Variants in SPRY3 observed in about 807,000 individuals in gnomAD.
SPRY3 encodes protein sprouty homolog 3.
SPRY3 carries 15 observed loss-of-function variants against 20.2 expected under a neutral mutation model. That is an observed-to-expected ratio of 0.74 (90% CI 0.50 to 1.14). The LOEUF is 1.14. Among genes scored for constraint, SPRY3 ranks in the 50% most tolerant of loss-of-function variants. The pLI is 0.00. For missense variants in SPRY3, 364 were observed against 363.9 expected, an observed-to-expected ratio of 1.00 and a Z score of 0.00; for synonymous variants, 143 against 136.5, an observed-to-expected ratio of 1.05 and a Z score of -0.33.
intron 3 of SPRY3, among the ~76,000 whole-genome samples, chrX:155,773,515 G>A (rs899341228): frequency 6.6e-6 from 1 of 151,828 alleles, no homozygotes; most frequent in African/African-American, 2.4e-5. Context: ...GTGAAACTAG[G>A]CATTTGATGG....
At chrX:155,755,842 G>A (rs1038744752) in intron 2 of SPRY3, among the ~76,000 whole-genome samples, 26 of 152,002 alleles carry the variant, frequency 1.7e-4, no homozygotes, top group African/African-American at 6.0e-4. Context: ...GAGGGAGACA[G>A]TGAAAGACTC....
At chrX:155,684,245 G>A (rs1569562608) in intron 2 of SPRY3, among the ~76,000 whole-genome samples, 1 of 111,040 alleles carries the variant, frequency 9.0e-6, no homozygotes, top group Non-Finnish European at 1.9e-5. Context: ...TATTGGAGAT[G>A]TTGAAAATAC....
intron 2 of SPRY3, among the ~76,000 whole-genome samples, chrX:155,748,326 ATATGGGGAAAAG>A (rs1352649182): frequency 6.6e-6 from 1 of 151,910 alleles, no homozygotes; most frequent in Non-Finnish European, 1.5e-5. Flanking sequence ...AATCATATGA[ATATGGGGAAAAG>A]TATGTTTGCC....
chrX:155,774,013 A>C, exon 4 of SPRY3: 1 of 1,613,854 alleles, frequency 6.2e-7, no homozygotes. Context: ...TATTGTGCAA[A>C]CCCACAAGTC....
chrX:155,665,655 A>G (rs1603127282), intron 2 of SPRY3, among the ~76,000 whole-genome samples: 1 of 111,716 alleles, frequency 9.0e-6, no homozygotes, highest in African/African-American at 3.2e-5. Context: ...GCATGAAATC[A>G]ATCAAATACA....
intron 1 of SPRY3, among the ~76,000 whole-genome samples, chrX:155,625,923 A>G (rs1425304387): frequency 1.2e-5 from 1 of 82,465 alleles, no homozygotes; most frequent in African/African-American, 3.9e-5. Flanking sequence ...GTATTTCATT[A>G]TATGGATAAA....
intron 2 of SPRY3, among the ~76,000 whole-genome samples, chrX:155,720,799 G>A (rs766155319): frequency 6.6e-6 from 1 of 152,232 alleles, no homozygotes; most frequent in Admixed American, 6.5e-5. Flanking sequence ...TATCTGGAAA[G>A]CCTTCCCAAA....
rs908524991 is a variant in SPRY3 at position 155,763,767 on chromosome X, CCTAT to C, written c.-281-4191_-281-4188del. The stretch of plus-strand genomic sequence containing the variant: ...ATCTCAATTCCTCTTTGAATCCTTA[CCTAT>C]CTAATTTATTTCAACATTTGTAACT... On this transcript the variant is annotated intron_variant, in intron 2 of 3. Coordinates refer to ENST00000675360, the Ensembl canonical transcript of SPRY3. Among the ~76,000 whole-genome samples, 294 of 152,234 alleles carry C rather than the reference CCTAT, an allele frequency of 1.9e-3. 2 individuals carry two copies. The highest frequency in any genetic ancestry group is 2.9e-3 in the Non-Finnish European group (194 of 68,002).
intron 1 of SPRY3, among the ~76,000 whole-genome samples, chrX:155,637,039 T>TG (rs1269744590): frequency 3.0e-5 from 1 of 33,882 alleles, no homozygotes; most frequent in African/African-American, 1.3e-4. Flanking sequence ...TGTTGTGGGG[T>TG]GGGGGGAGGG....
intron 3 of SPRY3, among the ~76,000 whole-genome samples, chrX:155,768,463 AC>A (rs2091360123): frequency 6.6e-6 from 1 of 151,978 alleles, no homozygotes; most frequent in South Asian, 2.1e-4. Flanking sequence ...ACCCCTCAAA[AC>A]GCAGCCTAAC....
At chrX:155,773,342 G>A (rs989362888) in intron 3 of SPRY3, among the ~76,000 whole-genome samples, 2 of 94,818 alleles carry the variant, frequency 2.1e-5, no homozygotes, top group Admixed American at 1.0e-4. Context: ...ATATATATAT[G>A]AGCAACTTCT....
At chrX:155,711,020 T>C (rs2124542025) in intron 2 of SPRY3, among the ~76,000 whole-genome samples, 1 of 151,980 alleles carries the variant, frequency 6.6e-6, no homozygotes, top group East Asian at 1.9e-4. Context: ...TCCCACTTGG[T>C]CATGATAAAT....
chrX:155,775,023 G>T, exon 4 of SPRY3: 1 of 507,638 alleles, frequency 2.0e-6, no homozygotes, highest in Non-Finnish European at 3.6e-6. Flanking sequence ...TTTGAACACT[G>T]AGGACTGACA....
intron 2 of SPRY3, among the ~76,000 whole-genome samples, chrX:155,716,307 T>C (rs1311245462): frequency 6.6e-6 from 1 of 152,210 alleles, no homozygotes; most frequent in Non-Finnish European, 1.5e-5. Context: ...TTCAACCCTA[T>C]ACTTTTTATT....
chrX:155,617,692 AC>A (rs782083230), intron 1 of SPRY3, among the ~76,000 whole-genome samples: 2 of 111,562 alleles, frequency 1.8e-5, no homozygotes, highest in East Asian at 5.7e-4. Flanking sequence ...TTCCAGCAAA[AC>A]TTTAAAAAGA....
At chrX:155,686,417 G>A (rs764133001) in intron 2 of SPRY3, among the ~76,000 whole-genome samples, 2 of 111,923 alleles carry the variant, frequency 1.8e-5, no homozygotes, top group Non-Finnish European at 3.8e-5. Context: ...TTCTTTGTAA[G>A]TTTAGTTTTC....
chrX:155,668,930 G>A (rs1820230036), intron 2 of SPRY3, among the ~76,000 whole-genome samples: 1 of 110,911 alleles, frequency 9.0e-6, no homozygotes, highest in Admixed American at 9.6e-5. Flanking sequence ...ACTGAAGATT[G>A]TTCTTTAACA....
chrX:155,613,440 A>C (rs1329184987), intron 1 of SPRY3, among the ~76,000 whole-genome samples: 1 of 111,803 alleles, frequency 8.9e-6, no homozygotes, highest in Non-Finnish European at 1.9e-5. Context: ...AGAAGGACCA[A>C]AAAGTATACT....
chrX:155,692,627 A>AT (rs1031729032), intron 2 of SPRY3, among the ~76,000 whole-genome samples: 1 of 111,005 alleles, frequency 9.0e-6, no homozygotes, highest in African/African-American at 3.3e-5. Flanking sequence ...CTTCGCTGGT[A>AT]TTTTTTTCCC....
Sources: gnomAD v4.1 joint callset for allele counts (sites outside exome capture counted in the v4.1 genomes callset) on GRCh38, gnomAD v4.1.1 for gene constraint, MANE v1.5 for transcripts, NCBI Gene and HGNC (gene_info 2026-07-23, HGNC 2026-07-21) for gene names.